The following GALNT8 variants were observed in gnomAD, a reference collection of about 807,000 sequenced individuals.
GALNT8 encodes probable polypeptide N-acetylgalactosaminyltransferase 8.
GALNT8 carries 66 observed loss-of-function variants against 62.7 expected under a neutral mutation model. The observed-to-expected ratio is 1.05, with a 90% CI of 0.86 to 1.29. The LOEUF is 1.29. Among genes scored for constraint, GALNT8 ranks in the 50% most tolerant of loss-of-function variants. The probability of loss-of-function intolerance (pLI) is 0.00; values close to 1 mark genes in which losing one functional copy is unlikely to be tolerated. For synonymous variants in GALNT8, 288 were observed against 294.3 expected (o/e 0.98, Z 0.22); for missense variants, 771 against 791.8 (o/e 0.97, Z 0.32).
At chr12:4,734,052 A>G (rs1389887820) in intron 2 of GALNT8, among the ~76,000 whole-genome samples, 1 of 152,198 alleles carries the variant, frequency 6.6e-6, no homozygotes, top group African/African-American at 2.4e-5. Flanking sequence ...AATAGCAGAT[A>G]ACCTTTATGG....
In GALNT8 at chr12:4,761,160, A is replaced by G. The variant is rs778104085; in HGVS notation, c.1359+17A>G. The stretch of plus-strand genomic sequence containing the variant: ...CCTCTCCAGGTGAGTCATGGAATTG[A>G]ACAGCAGCACGGAAGAATGAAAGAG... On this transcript the variant is annotated intron_variant, in intron 7 of 10. Coordinates refer to ENST00000252318, the MANE Select transcript of GALNT8 (RefSeq NM_017417.2). 3 of 1,604,416 alleles carry G rather than the reference A, an allele frequency of 1.9e-6. No individual in the cohort carries two copies. The African/African-American group carries it at 4.0e-5, about 21-fold the overall frequency.
At chr12:4,754,159 C>T (rs1171103785) in intron 6 of GALNT8, among the ~76,000 whole-genome samples, 2 of 152,114 alleles carry the variant, frequency 1.3e-5, no homozygotes, top group East Asian at 3.9e-4. Flanking sequence ...AGAACTGGGT[C>T]TCACTCAAGG....
intron 1 of GALNT8, among the ~76,000 whole-genome samples, chr12:4,721,272 G>T (rs1212177066): frequency 2.0e-5 from 3 of 152,092 alleles, no homozygotes; most frequent in Admixed American, 2.0e-4. Flanking sequence ...GGTGTTTCTC[G>T]TTAGGTGGAA....
intron 9 of GALNT8, among the ~76,000 whole-genome samples, chr12:4,764,892 G>A (rs1345830466): frequency 6.7e-6 from 1 of 149,090 alleles, no homozygotes; most frequent in Admixed American, 6.7e-5. Flanking sequence ...ATTCACATCT[G>A]TCTTCTTACT....
At chr12:4,742,909 G>C (rs552500946) in intron 3 of GALNT8, among the ~76,000 whole-genome samples, 2 of 152,172 alleles carry the variant, frequency 1.3e-5, no homozygotes, top group Non-Finnish European at 2.9e-5. Context: ...CTTAATCTTT[G>C]TGCTATATGA....
At chr12:4,733,390 T>C (rs1946229117) in intron 2 of GALNT8, among the ~76,000 whole-genome samples, 1 of 152,168 alleles carries the variant, frequency 6.6e-6, no homozygotes, top group African/African-American at 2.4e-5. Context: ...TTGATTGATA[T>C]ACGGTGGGTA....
intron 9 of GALNT8, among the ~76,000 whole-genome samples, chr12:4,764,787 C>T (rs1368738777): frequency 1.3e-5 from 2 of 150,752 alleles, no homozygotes; most frequent in East Asian, 2.0e-4. Context: ...CTCCTGATCT[C>T]GTGATCCGCC....
intron 2 of GALNT8, among the ~76,000 whole-genome samples, chr12:4,737,669 G>A (rs1003418341): frequency 1.3e-5 from 2 of 152,164 alleles, no homozygotes; most frequent in East Asian, 1.9e-4. Flanking sequence ...TTGCCATTGC[G>A]ACAGTATGGG....
intron 10 of GALNT8, among the ~76,000 whole-genome samples, chr12:4,771,904 T>C (rs985929512): frequency 6.6e-6 from 1 of 152,188 alleles, no homozygotes; most frequent in Non-Finnish European, 1.5e-5. Context: ...GCCCTGACTT[T>C]GTAGCACTAA....
At chr12:4,768,312 G>T in intron 10 of GALNT8, 1 of 250,008 alleles carries the variant, frequency 4.0e-6, no homozygotes, top group South Asian at 5.0e-5. Flanking sequence ...TCCCTTAATA[G>T]CTATACTTTA....
At chr12:4,735,513 C>G (rs957657855) in intron 2 of GALNT8, among the ~76,000 whole-genome samples, 3 of 152,184 alleles carry the variant, frequency 2.0e-5, no homozygotes, top group African/African-American at 7.2e-5. Flanking sequence ...CACACCTTCT[C>G]CTTCCTCCAC....
chr12:4,738,286 A>T (rs2137526749), intron 2 of GALNT8, among the ~76,000 whole-genome samples: 1 of 152,356 alleles, frequency 6.6e-6, no homozygotes, highest in East Asian at 1.9e-4. Flanking sequence ...AAATGGTCAT[A>T]GATGTAAATA....
At chr12:4,768,370 A>C (rs1159984307) in intron 10 of GALNT8, 1 of 358,656 alleles carries the variant, frequency 2.8e-6, no homozygotes, top group Non-Finnish European at 5.4e-6. Context: ...TAAAGAAATA[A>C]TATTTTTAGA....
chr12:4,761,046 T>C lies in GALNT8; in HGVS notation c.1262T>C (p.Leu421Pro). 1 of 1,613,976 alleles carries C rather than the reference T, an allele frequency of 6.2e-7. No homozygotes were observed. Among genetic ancestry groups the C allele is most frequent in the East Asian group, 2.2e-5 (1 of 44,876 alleles). Residue 421 changes from leucine (L) to proline (P), a missense_variant, in exon 7 of 11, where the codon CTC becomes CCC. Coordinates refer to ENST00000252318, the MANE Select transcript of GALNT8 (RefSeq NM_017417.2). Reference sequence around the variant, plus strand: ...CACCACAAGCCCTACGCCTTGGATCTCACCGCTGCCTTGAAGCGCAATGCT... The same window carrying C: ...CACCACAAGCCCTACGCCTTGGATCCCACCGCTGCCTTGAAGCGCAATGCT... ...ERHHKPYALDLTAALKRNALR... is the reference protein window; with the variant it reads ...ERHHKPYALDPTAALKRNALR...
intron 6 of GALNT8, among the ~76,000 whole-genome samples, chr12:4,748,701 C>G (rs1946310723): frequency 6.6e-6 from 1 of 152,036 alleles, no homozygotes; most frequent in Non-Finnish European, 1.5e-5. Flanking sequence ...TTTGGTTATT[C>G]TGGGTCTTTT....
intron 2 of GALNT8, among the ~76,000 whole-genome samples, chr12:4,738,712 C>G (rs1272316179): frequency 1.3e-5 from 2 of 151,960 alleles, no homozygotes. Context: ...AAAGGGTAAA[C>G]CAGTGCCTAC....
intron 6 of GALNT8, among the ~76,000 whole-genome samples, chr12:4,752,663 G>A (rs953696352): frequency 5.3e-5 from 8 of 151,868 alleles, no homozygotes; most frequent in African/African-American, 1.9e-4. Flanking sequence ...ATTGTTGATC[G>A]ATTCATTATT....
Position 4,760,967 on chromosome 12 carries a change from T to C in GALNT8, c.1183T>C (p.Cys395Arg). 6 of 1,613,738 alleles carry C rather than the reference T, an allele frequency of 3.7e-6. No individual in the cohort carries two copies. The highest frequency in any genetic ancestry group is 5.1e-6 in the Non-Finnish European group (6 of 1,179,820). Residue 395 changes from cysteine to arginine, a missense_variant, in exon 7 of 11, where the codon TGT becomes CGT. Physicochemically the swap from Cys to Arg is radical, Grantham distance 180. Transcript: ENST00000252318. ...TGGTCTTCTTCTGCAGGTGTGGCAG[T>C]GTGGAGGGAAGGTCGAGATTTTGCC... ...NVELSLRVWQ[C>R]GGKVEILPCS...
At chr12:4,734,221 G>A (rs999972151) in intron 2 of GALNT8, among the ~76,000 whole-genome samples, 1 of 152,164 alleles carries the variant, frequency 6.6e-6, no homozygotes, top group African/African-American at 2.4e-5. Flanking sequence ...AGGAAGAGAA[G>A]CACAAAAAGA....
Sources: gnomAD v4.1 joint callset for allele counts (sites outside exome capture counted in the v4.1 genomes callset) on GRCh38, gnomAD v4.1.1 for gene constraint, MANE v1.5 for transcripts, NCBI Gene and HGNC (gene_info 2026-07-23, HGNC 2026-07-21) for gene names.